ACBD5: variants seen among roughly 807,000 people sequenced by gnomAD.
ACBD5 encodes the protein acyl-CoA binding domain containing 5, also known as acyl-CoA-binding domain-containing protein 5.
In ACBD5, 40 loss-of-function variants were observed where a neutral mutation model predicts 71.8. That is an observed-to-expected ratio of 0.56 (90% CI 0.43 to 0.72). The LOEUF (loss-of-function observed/expected upper bound fraction) is 0.72, where lower values mean the gene tolerates loss of function less well. Among genes scored for constraint, ACBD5 ranks in the 30% least tolerant of loss-of-function variants. ACBD5 has a pLI of 0.00. For missense variants in ACBD5, 559 were observed against 644.5 expected (o/e 0.87, Z 1.44); for synonymous variants, 229 against 218.6 (o/e 1.05, Z -0.42).
Position 27,240,305 on chromosome 10 carries a change from C to T in ACBD5, c.181+14G>A, listed in dbSNP as rs1225046216. The stretch of plus-strand genomic sequence containing the variant: ...CTGCAGGAGGCGTCTACAGCCGGGG[C>T]CCAGCGCACGTACCATTCTTCGGCA... On this transcript the variant is annotated intron_variant, in intron 2 of 12. Transcript: ENST00000396271. The surrounding 1 kb of genome is among the most constrained non-coding windows in gnomAD (Gnocchi z 4.1). The T allele has an allele frequency of 9.9e-6, 16 of 1,613,904 alleles. No individual in the cohort carries two copies. Among genetic ancestry groups the T allele is most frequent in the African/African-American group, 1.3e-5 (1 of 74,870 alleles).
At chr10:27,197,463 C>A in intron 12 of ACBD5, 21 bp from the exon 13 acceptor site, 3 of 1,588,418 alleles carry the variant, frequency 1.9e-6, no homozygotes, top group East Asian at 2.3e-5. Flanking sequence ...AAAATAAAAA[C>A]CAATTTCCTG....
intron 2 of ACBD5, among the ~76,000 whole-genome samples, chr10:27,238,367 T>C (rs1409484198): frequency 1.3e-5 from 2 of 152,260 alleles, no homozygotes; most frequent in African/African-American, 4.8e-5. Context: ...TGGTACATAA[T>C]GTCAACAGGC....
intron 3 of ACBD5, among the ~76,000 whole-genome samples, chr10:27,234,234 T>C (rs2064321357): frequency 6.6e-6 from 1 of 152,134 alleles, no homozygotes; most frequent in African/African-American, 2.4e-5. Context: ...TAGTTTATAG[T>C]TTATAATTCA....
At chr10:27,223,507 A>C in intron 4 of ACBD5, 55 bp from the exon 5 acceptor site, 5 of 1,233,614 alleles carry the variant, frequency 4.1e-6, no homozygotes, top group Admixed American at 1.7e-5. Flanking sequence ...TTTGATCTCC[A>C]CTAATATCAA....
chr10:27,237,936 A>T (rs540739580), intron 2 of ACBD5, among the ~76,000 whole-genome samples: 35 of 149,140 alleles, frequency 2.3e-4, no homozygotes, highest in Middle Eastern at 3.6e-3. Context: ...CTTTTTTTTT[A>T]AATTTAATTT....
Position 27,204,484 on chromosome 10 carries a change from A to G in ACBD5, c.1521T>C (p.Phe507=). Residue 507 remains phenylalanine, a synonymous_variant, in exon 12 of 13, where the codon TTT becomes TTC. Coordinates refer to ENST00000396271, the MANE Select transcript of ACBD5 (RefSeq NM_145698.5). ...ATAAATACACCAACCACTGTGCAAT[A>G]AAAGGCCATATGATGGCAAACGTTA... The part of the protein sequence containing the change: ...GVLTFAIIWP[F]IAQWLVYLYY... 1 of 1,614,044 alleles carries G rather than the reference A, an allele frequency of 6.2e-7. No individual in the cohort carries two copies. Among genetic ancestry groups the G allele is most frequent in the Non-Finnish European group, 8.5e-7 (1 of 1,179,926 alleles).
chr10:27,193,745 A>G (rs986920981), downstream of ACBD5, among the ~76,000 whole-genome samples: 2 of 152,214 alleles, frequency 1.3e-5, no homozygotes, highest in Non-Finnish European at 2.9e-5. Context: ...GGAGAAAGAA[A>G]GACAGGAGGA....
At position 27,208,145 on chromosome 10, in the gene ACBD5, C is replaced by T. The variant is rs7919523; in HGVS notation, c.1404+101G>A. ...ACCAAGTTCTATTTTCTAAAAAAAT[C>T]AGTAAAATACATTAATTTATGTCAA... is the stretch of plus-strand genomic sequence containing the variant. On this transcript the variant is annotated intron_variant, in intron 10 of 12. Transcript: ENST00000396271. 768,203 of 1,246,610 alleles carry T rather than the reference C, an allele frequency of 0.62. 245,727 individuals are homozygous for T. Among genetic ancestry groups the T allele is most frequent in the Non-Finnish European group, 0.67 (578,389 of 865,256 alleles). 77.2% of individuals were successfully genotyped at this position (1,246,610 alleles called of 1,614,324 possible).
At chr10:27,228,815 A>ATATATATATAT (rs1554856598) in intron 4 of ACBD5, among the ~76,000 whole-genome samples, 2 of 20,368 alleles carry the variant, frequency 9.8e-5, no homozygotes, top group African/African-American at 2.3e-4. Flanking sequence ...ATATATATAT[A>ATATATATATAT]TTTTTTTTTT....
At chr10:27,226,216 G>T (rs571983405) in intron 4 of ACBD5, among the ~76,000 whole-genome samples, 80 of 152,144 alleles carry the variant, frequency 5.3e-4, no homozygotes, top group African/African-American at 1.9e-3. Context: ...GGTATACTGT[G>T]TGATGCTGAA....
chr10:27,227,287 C>A (rs933050994), intron 4 of ACBD5, among the ~76,000 whole-genome samples: 1 of 152,030 alleles, frequency 6.6e-6, no homozygotes, highest in African/African-American at 2.4e-5. Context: ...CACTTTTCCT[C>A]AGTGAGAGAC....
In ACBD5 at chr10:27,205,594, T is replaced by C. The variant is rs141053095; in HGVS notation, c.1405-346A>G. Among the ~76,000 whole-genome samples the C allele has an allele frequency of 5.3e-4, 80 of 152,150 alleles. No individual in the cohort carries two copies. The East Asian group carries it at 0.011, about 21-fold the overall frequency. The stretch of plus-strand genomic sequence containing the variant: ...CTCTTATGTTTACAGTCTTATTACA[T>C]TACCTATTCAACTTTTCTTTTTGAG... On this transcript the variant is annotated intron_variant, in intron 10 of 12. Transcript: ENST00000396271.
At chr10:27,208,165 TG>T in intron 10 of ACBD5, 80 bp downstream of exon 10, 1 of 1,369,462 alleles carries the variant, frequency 7.3e-7, no homozygotes. Context: ...CATTAATTTA[TG>T]TCAATATGAT....
At chr10:27,229,317 C>T (rs764633360) in intron 4 of ACBD5, among the ~76,000 whole-genome samples, 2 of 151,856 alleles carry the variant, frequency 1.3e-5, no homozygotes, top group South Asian at 4.2e-4. Context: ...GCCAGGCACA[C>T]GGTGGCTCAT....
At chr10:27,201,464 T>G (rs2059923156) in intron 12 of ACBD5, among the ~76,000 whole-genome samples, 1 of 152,178 alleles carries the variant, frequency 6.6e-6, no homozygotes, top group Non-Finnish European at 1.5e-5. Context: ...CCAGCAGACT[T>G]TATGTATTAA....
At chr10:27,241,908 G>T, upstream of ACBD5, 1 of 377,510 alleles carries the variant, frequency 2.6e-6, no homozygotes, top group South Asian at 1.8e-5. Context: ...GGTTGTGGGG[G>T]GTGGAGTCCT....
intron 2 of ACBD5, among the ~76,000 whole-genome samples, chr10:27,238,944 T>G (rs2065114370): frequency 6.6e-6 from 1 of 152,196 alleles, no homozygotes; most frequent in South Asian, 2.1e-4. Context: ...ATGCCTGTAA[T>G]CCCAGCACTT....
chr10:27,241,810 C>T (rs2065530865), upstream of ACBD5, among the ~76,000 whole-genome samples: 1 of 152,104 alleles, frequency 6.6e-6, no homozygotes, highest in Non-Finnish European at 1.5e-5. Context: ...AGGGGGTGCC[C>T]TGGGCCTTCA....
chr10:27,200,094 TGAGGCA>T (rs2059762045), intron 12 of ACBD5, among the ~76,000 whole-genome samples: 1 of 151,988 alleles, frequency 6.6e-6, no homozygotes, highest in African/African-American at 2.4e-5. Context: ...CTGGGTAAAA[TGAGGCA>T]GAGACCTACT....
Sources: gnomAD v4.1 joint callset for allele counts (sites outside exome capture counted in the v4.1 genomes callset) on GRCh38, gnomAD v4.1.1 for gene constraint, Gnocchi (gnomAD v3.1) non-coding constraint, MANE v1.5 for transcripts, NCBI Gene and HGNC (gene_info 2026-07-23, HGNC 2026-07-21) for gene names.